The following FAM120B variants were observed in gnomAD, a reference collection of about 807,000 sequenced individuals.
FAM120B encodes constitutive coactivator of peroxisome proliferator-activated receptor gamma.
Under a neutral mutation model 96.3 loss-of-function variants are expected in FAM120B, and 83 were observed. The observed-to-expected ratio is 0.86, with a 90% CI of 0.72 to 1.03. The LOEUF is 1.03. Among genes scored for constraint, FAM120B ranks in the 50% least tolerant of loss-of-function variants. The pLI, the probability that FAM120B is intolerant of heterozygous loss-of-function variation, is 0.00. For synonymous variants in FAM120B, 407 were observed against 402.7 expected (o/e 1.01, Z -0.13); for missense variants, 1,027 against 1,121.2 (o/e 0.92, Z 1.20).
intron 4 of FAM120B, among the ~76,000 whole-genome samples, chr6:170,345,452 G>C (rs918022001): frequency 3.3e-5 from 5 of 152,164 alleles, no homozygotes; most frequent in Admixed American, 1.3e-4. Context: ...AAAAGGGAAA[G>C]AACTCCTGTC....
At chr6:170,376,761 G>C (rs115329799) in intron 6 of FAM120B, among the ~76,000 whole-genome samples, 2,198 of 152,326 alleles carry the variant, frequency 0.014, 53 homozygotes, top group African/African-American at 0.051. Flanking sequence ...ATCTGGACTA[G>C]CCAGATGGGA....
intron 4 of FAM120B, among the ~76,000 whole-genome samples, chr6:170,332,018 C>T (rs1048978984): frequency 6.6e-6 from 1 of 152,234 alleles, no homozygotes; most frequent in Non-Finnish European, 1.5e-5. Flanking sequence ...TTCATTTCCA[C>T]AGCTATTGCT....
rs368993478 is a variant in FAM120B at position 170,349,310 on chromosome 6, A to G, written c.2190+987A>G. ...CCCTATATGGTGGGTCTCCATTGGC[A>G]TAGCCTTTCAGTGTTCACTTACCTG... On this transcript the variant is annotated intron_variant, in intron 5 of 10. Transcript: ENST00000476287. 3.0e-4 allele frequency among the ~76,000 whole-genome samples: 46 copies of G among 152,336 alleles called. No individual in the cohort carries two copies. The East Asian group carries it at 8.5e-3, about 28-fold the overall frequency.
intron 3 of FAM120B, among the ~76,000 whole-genome samples, chr6:170,326,284 T>G (rs1005369950): frequency 9.9e-5 from 15 of 152,166 alleles, no homozygotes; most frequent in African/African-American, 3.6e-4. Context: ...TGTGTGGGTG[T>G]GTAGGTCTGT....
At chr6:170,337,717 T>C (rs1488099068) in intron 4 of FAM120B, among the ~76,000 whole-genome samples, 1 of 152,202 alleles carries the variant, frequency 6.6e-6, no homozygotes, top group Non-Finnish European at 1.5e-5. Flanking sequence ...GAACCTATTA[T>C]TGGTCCGTTC....
chr6:170,335,016 C>T (rs549554149), intron 4 of FAM120B, among the ~76,000 whole-genome samples: 2 of 147,030 alleles, frequency 1.4e-5, no homozygotes, highest in Non-Finnish European at 3.0e-5. Flanking sequence ...TTTGCATGTG[C>T]GTAGTCAGGG....
intron 9 of FAM120B, among the ~76,000 whole-genome samples, chr6:170,403,229 C>T (rs1180508838): frequency 6.6e-6 from 1 of 152,182 alleles, no homozygotes; most frequent in Non-Finnish European, 1.5e-5. Context: ...GTATGTTATA[C>T]ACACATGCAC....
chr6:170,359,751 A>G (rs1277123591), intron 6 of FAM120B, among the ~76,000 whole-genome samples: 3 of 152,130 alleles, frequency 2.0e-5, no homozygotes, highest in Non-Finnish European at 4.4e-5. Flanking sequence ...AACTTTCAAT[A>G]CTAGGTTTCA....
chr6:170,323,152 G>A lies in FAM120B; in HGVS notation c.1808G>A (p.Cys603Tyr). The change falls in exon 3 of 11, where the codon TGC becomes TAC. Residue 603 changes from cysteine (C) to tyrosine (Y), a missense_variant. Cys to Tyr is a radical substitution (Grantham distance 194). This residue lies in a region of FAM120B where 880 missense variants were observed against 980.9 expected (regional missense o/e 0.90). Transcript: ENST00000476287. ...ATCATGAGCAGTGGAGAGATTGAATGCAGCAACACCCTAGAAGATGAGCTT... is the reference window on the plus strand; with the variant it reads ...ATCATGAGCAGTGGAGAGATTGAATACAGCAACACCCTAGAAGATGAGCTT... ...YNIMSSGEIE[C>Y]SNTLEDELDQ... 6.2e-7 allele frequency: 1 copy of A among 1,614,168 alleles called. No individual in the cohort carries two copies. The highest frequency in any genetic ancestry group is 8.5e-7 in the Non-Finnish European group (1 of 1,180,018).
intron 8 of FAM120B, among the ~76,000 whole-genome samples, chr6:170,393,939 C>G (rs1223042244): frequency 6.6e-6 from 1 of 152,186 alleles, no homozygotes; most frequent in Non-Finnish European, 1.5e-5. Flanking sequence ...GCCTCTGGAC[C>G]CAAGCTGACA....
At chr6:170,316,611 A>G (rs1014688838) in intron 1 of FAM120B, among the ~76,000 whole-genome samples, 10 of 152,228 alleles carry the variant, frequency 6.6e-5, no homozygotes, top group African/African-American at 2.2e-4. Context: ...TTCTCTGCAA[A>G]GTCAGTCAAT....
intron 6 of FAM120B, among the ~76,000 whole-genome samples, chr6:170,365,061 C>T (rs933680944): frequency 1.3e-5 from 2 of 152,188 alleles, no homozygotes; most frequent in Non-Finnish European, 2.9e-5. Flanking sequence ...CAGAAAAGGG[C>T]GTGGTGTGCC....
intron 4 of FAM120B, among the ~76,000 whole-genome samples, chr6:170,335,906 TTTTTCTTGAAATTTAAG>T (rs1311155583): frequency 6.6e-6 from 1 of 152,128 alleles, no homozygotes; most frequent in African/African-American, 2.4e-5. Flanking sequence ...TGGGGTTGTT[TTTTTCTTGAAATTTAAG>T]TTCCTTGTAG....
chr6:170,324,053 A>G (rs1785450166), intron 3 of FAM120B, among the ~76,000 whole-genome samples: 1 of 152,216 alleles, frequency 6.6e-6, no homozygotes, highest in South Asian at 2.1e-4. Context: ...TATTACCAGG[A>G]TAAGAGAGAG....
chr6:170,398,253 T>A (rs183779756), intron 9 of FAM120B, among the ~76,000 whole-genome samples: 5 of 152,392 alleles, frequency 3.3e-5, no homozygotes, highest in Non-Finnish European at 4.4e-5. Flanking sequence ...ATTCTGTGAC[T>A]TTCTATTCTA....
intron 9 of FAM120B, among the ~76,000 whole-genome samples, chr6:170,402,159 T>G (rs1348718667): frequency 6.6e-6 from 1 of 152,274 alleles, no homozygotes; most frequent in South Asian, 2.1e-4. Context: ...GGCCCCTGTT[T>G]GTGCGCCCTC....
chr6:170,317,890 G>A lies in FAM120B; in HGVS notation c.500G>A (p.Gly167Asp), dbSNP rs749658778. Residue 167 changes from glycine to aspartate, a missense_variant, in exon 2 of 11, where the codon GGC becomes GAC. Around this residue, in one of 3 missense-constraint regions of FAM120B, gnomAD observed 880 missense variants for 980.9 expected, o/e 0.90. Transcript: ENST00000476287. Reference protein sequence around the residue: ...QEADYEVASYGLQHNCLGILG... With the variant: ...QEADYEVASYDLQHNCLGILG... ...GCAGATTATGAGGTAGCTTCCTATGGCCTCCAGCATAACTGTCTTGGGATT... is the reference window on the plus strand; with the variant it reads ...GCAGATTATGAGGTAGCTTCCTATGACCTCCAGCATAACTGTCTTGGGATT... 6.2e-7 allele frequency: 1 copy of A among 1,614,092 alleles called. No homozygotes were observed. Among genetic ancestry groups the A allele is most frequent in the African/African-American group, 1.3e-5 (1 of 74,922 alleles).
At chr6:170,403,770 G>C (rs988661841) in intron 9 of FAM120B, among the ~76,000 whole-genome samples, 2 of 152,224 alleles carry the variant, frequency 1.3e-5, no homozygotes, top group African/African-American at 4.8e-5. Flanking sequence ...TGGTGATTCT[G>C]TAGGAGGCCT....
At chr6:170,398,497 T>C (rs13213733) in intron 9 of FAM120B, among the ~76,000 whole-genome samples, 1 of 71,244 alleles carries the variant, frequency 1.4e-5, no homozygotes, top group Admixed American at 1.7e-4. Flanking sequence ...ATGTCATAAC[T>C]CTTAGGAGTG....
Sources: allele counts gnomAD v4.1 joint callset (sites outside exome capture counted in the v4.1 genomes callset), GRCh38; gene constraint gnomAD v4.1.1; regional missense constraint gnomAD v4.1.1; transcripts MANE v1.5; gene names NCBI Gene and HGNC (gene_info 2026-07-23, HGNC 2026-07-21).